TDRD15: variants seen among roughly 807,000 people sequenced by gnomAD.
TDRD15 encodes the protein tudor domain containing 15.
For synonymous variants in TDRD15, 503 were observed against 314.5 expected (o/e 1.60, Z -6.34); for missense variants, 1,416 against 904.7 (o/e 1.57, Z -7.25).
At chr2:21,124,219 T>TGGC (rs1481536202) in intron 1 of TDRD15, among the ~76,000 whole-genome samples, 173 bp downstream of exon 1, 4 of 152,156 alleles carry the variant, frequency 2.6e-5, no homozygotes, top group Non-Finnish European at 5.9e-5. Context: ...CTACCTCTAA[T>TGGC]GGCGGCGGCG....
chr2:21,130,970 G>A (rs1189654788), intron 2 of TDRD15, among the ~76,000 whole-genome samples: 1 of 152,160 alleles, frequency 6.6e-6, no homozygotes, highest in African/African-American at 2.4e-5. Context: ...TGTTGATACT[G>A]AACTGTGCAG....
At chr2:21,132,251 T>A (rs1320275259) in intron 2 of TDRD15, among the ~76,000 whole-genome samples, 1 of 152,150 alleles carries the variant, frequency 6.6e-6, no homozygotes, top group African/African-American at 2.4e-5. Flanking sequence ...GTTAGCTCTG[T>A]CGGACTTCAT....
downstream of TDRD15, among the ~76,000 whole-genome samples, chr2:21,145,564 A>G (rs1328135216): frequency 6.6e-6 from 1 of 151,988 alleles, no homozygotes; most frequent in African/African-American, 2.4e-5. Context: ...CAAACATTAA[A>G]TTATACTTCA....
intron 2 of TDRD15, among the ~76,000 whole-genome samples, chr2:21,133,499 G>A (rs983575239): frequency 1.3e-5 from 2 of 152,062 alleles, no homozygotes; most frequent in African/African-American, 2.4e-5. Context: ...GAACTGGACT[G>A]ATAATCAGAA....
At position 21,141,639 on chromosome 2, in the gene TDRD15, T is replaced by C. The variant is rs1558301191; in HGVS notation, c.4172T>C (p.Ile1391Thr). ...TCTGCAATAGTAAACACATCTAAAA[T>C]TTACGAACTTCAGAGGGAATTTTTA... is the stretch of plus-strand genomic sequence containing the variant. Reference protein sequence around the residue: ...GNSAIVNTSKIYELQREFLTV... With the variant: ...GNSAIVNTSKTYELQREFLTV... The change falls in exon 4 of 4, where the codon ATT becomes ACT. Residue 1391 changes from isoleucine (I) to threonine (T), a missense_variant. Ile to Thr is a moderately conservative substitution (Grantham distance 89). Transcript: ENST00000405799. 2 of 714,292 alleles carry C rather than the reference T, an allele frequency of 2.8e-6. No individual in the cohort carries two copies. Among genetic ancestry groups the C allele is most frequent in the Non-Finnish European group, 2.6e-6 (1 of 383,346 alleles). The allele number at this position is 714,292 out of a possible 1,614,324, so 44.2% of individuals were successfully genotyped here.
intron 3 of TDRD15, among the ~76,000 whole-genome samples, chr2:21,135,606 T>C (rs1270852730): frequency 6.6e-6 from 1 of 152,056 alleles, no homozygotes; most frequent in East Asian, 1.9e-4. Flanking sequence ...GCATAGGTTA[T>C]TAACTCAAGC....
intron 1 of TDRD15, among the ~76,000 whole-genome samples, chr2:21,124,483 G>A (rs1665539361): frequency 6.7e-6 from 1 of 149,356 alleles, no homozygotes; most frequent in Admixed American, 6.6e-5. Context: ...CAGGGTGTGT[G>A]TGTGTGTGTG....
intron 3 of TDRD15, among the ~76,000 whole-genome samples, chr2:21,136,588 ATT>A (rs1404940576): frequency 6.6e-6 from 1 of 152,010 alleles, no homozygotes; most frequent in Non-Finnish European, 1.5e-5. Context: ...ATAGAAATAA[ATT>A]AATGCCTGTC....
chr2:21,138,804 C>A lies in TDRD15; in HGVS notation c.1337C>A (p.Ala446Glu). Residue 446 changes from alanine to glutamate, a missense_variant, in exon 4 of 4, where the codon GCA becomes GAA. Physicochemically the swap from Ala to Glu is moderately radical, Grantham distance 107. Transcript: ENST00000405799. ...AGTGTGTCTGATGTAAACAGCTTTG[C>A]AGTTGAGAGTTTTATGGGAAATATT... ...ETSVSDVNSF[A>E]VESFMGNIEW... 1 of 712,998 alleles carries A rather than the reference C, an allele frequency of 1.4e-6. No homozygotes were observed. The highest frequency in any genetic ancestry group is 1.5e-5 in the South Asian group (1 of 66,758). The allele number at this position is 712,998 out of a possible 1,614,324, so 44.2% of individuals were successfully genotyped here. A position where few individuals can be genotyped will look rare whatever the true frequency, so the allele number is the denominator to read the frequency against.
intron 1 of TDRD15, 144 bp from the exon 2 acceptor site, chr2:21,127,457 A>G (rs1365869420): frequency 6.6e-6 from 1 of 152,110 alleles, no homozygotes; most frequent in African/African-American, 2.4e-5. Context: ...ATGTGGGTTT[A>G]TATTCCATTT....
At chr2:21,128,080 G>A (rs1665634162) in intron 2 of TDRD15, among the ~76,000 whole-genome samples, 1 of 152,076 alleles carries the variant, frequency 6.6e-6, no homozygotes, top group African/African-American at 2.4e-5. Flanking sequence ...AAGTTTACAT[G>A]ACAAAAATAT....
intron 2 of TDRD15, among the ~76,000 whole-genome samples, chr2:21,132,561 A>G (rs1665740174): frequency 6.6e-6 from 1 of 152,028 alleles, no homozygotes; most frequent in African/African-American, 2.4e-5. Flanking sequence ...TTGTGAGTGG[A>G]ATGATAGTGG....
chr2:21,131,665 T>C (rs981389803), intron 2 of TDRD15, among the ~76,000 whole-genome samples: 1 of 152,214 alleles, frequency 6.6e-6, no homozygotes, highest in East Asian at 1.9e-4. Flanking sequence ...TTGAAGAGAT[T>C]TGTAAAAATT....
downstream of TDRD15, among the ~76,000 whole-genome samples, chr2:21,146,844 A>G (rs1666038246): frequency 6.6e-6 from 1 of 152,132 alleles, no homozygotes; most frequent in Non-Finnish European, 1.5e-5. Flanking sequence ...ATTGAGTCAT[A>G]CAGATTTATG....
At chr2:21,131,574 C>T (rs1002588229) in intron 2 of TDRD15, among the ~76,000 whole-genome samples, 2 of 152,136 alleles carry the variant, frequency 1.3e-5, no homozygotes, top group African/African-American at 4.8e-5. Flanking sequence ...TCTTCACATC[C>T]TTCACCCAGA....
chr2:21,141,854 A>G lies in TDRD15; in HGVS notation c.4387A>G (p.Ile1463Val), dbSNP rs781438440. ...TATGATTTGTGATGAAAAATGTGTC[A>G]TTAATGAACTACTGAAATGGAAAGC... ...VNMICDEKCV[I>V]NELLKWKACS... is the part of the protein sequence containing the mutation. Residue 1463 changes from isoleucine to valine, a missense_variant, in exon 4 of 4, where the codon ATT becomes GTT. By Grantham distance (29) the Ile-to-Val change is conservative. Coordinates refer to ENST00000405799, the MANE Select transcript of TDRD15 (RefSeq NM_001306137.2). The G allele has an allele frequency of 9.8e-6, 7 of 715,354 alleles. No homozygotes were observed. Among genetic ancestry groups the G allele is most frequent in the Non-Finnish European group, 1.0e-5 (4 of 383,678 alleles). The allele number at this position is 715,354 out of a possible 1,614,324, so 44.3% of individuals were successfully genotyped here.
At chr2:21,146,885 A>G (rs184602254), downstream of TDRD15, among the ~76,000 whole-genome samples, 41 of 152,190 alleles carry the variant, frequency 2.7e-4, no homozygotes, top group East Asian at 4.8e-3. Flanking sequence ...TATTAAAAAT[A>G]TGGGCACTGA....
In TDRD15 at chr2:21,124,328, G is replaced by A. The variant is rs189843576; in HGVS notation, c.-201+282G>A. Among the ~76,000 whole-genome samples the A allele has an allele frequency of 9.8e-5, 15 of 152,358 alleles. No homozygotes were observed. In the East Asian group the frequency reaches 2.7e-3, roughly 27 times the overall value. Reference sequence around the variant, plus strand: ...CCAGCACATGGGGTCAATGATGGCTGATCCTAATGCCAGGCTGTGTGTGAG... The same window carrying A: ...CCAGCACATGGGGTCAATGATGGCTAATCCTAATGCCAGGCTGTGTGTGAG... On this transcript the variant is annotated intron_variant, in intron 1 of 3. Transcript: ENST00000405799.
Position 21,139,183 on chromosome 2 carries a change from T to C in TDRD15, c.1716T>C (p.Asp572=), listed in dbSNP as rs1169133219. ...ATTTTTTGGATTATGGTAATACTGATTCCATACCATTTTTTGATGTAAAAA... is the reference window on the plus strand; with the variant it reads ...ATTTTTTGGATTATGGTAATACTGACTCCATACCATTTTTTGATGTAAAAA... ...NVYFLDYGNT[D]SIPFFDVKIL... is the part of the protein sequence containing the mutation. Residue 572 remains aspartate (D), a synonymous_variant, in exon 4 of 4, where the codon GAT becomes GAC. Transcript: ENST00000405799. The C allele has an allele frequency of 1.4e-6, 1 of 714,432 alleles. No homozygotes were observed. The highest frequency in any genetic ancestry group is 1.8e-5 in the African/African-American group (1 of 57,056). The allele number at this position is 714,432 out of a possible 1,614,324, so 44.3% of individuals were successfully genotyped here. A position where few individuals can be genotyped will look rare whatever the true frequency, so the allele number is the denominator to read the frequency against.
Sources: gnomAD v4.1 joint callset for allele counts (sites outside exome capture counted in the v4.1 genomes callset) on GRCh38, gnomAD v4.1.1 for gene constraint, MANE v1.5 for transcripts, NCBI Gene and HGNC (gene_info 2026-07-23, HGNC 2026-07-21) for gene names.